MYOM1: variants seen among roughly 807,000 people sequenced by gnomAD.
The protein encoded by MYOM1 is myomesin 1.
MYOM1 carries 164 observed loss-of-function variants against 205.3 expected under a neutral mutation model. That is an observed-to-expected ratio of 0.80 (90% CI 0.70 to 0.91). MYOM1 has a LOEUF of 0.91. MYOM1 is among the 40% of genes least tolerant of loss of function. The pLI is 0.00. For synonymous variants in MYOM1, 772 were observed against 789.4 expected (o/e 0.98, Z 0.37); for missense variants, 2,011 against 2,127.3 (o/e 0.95, Z 1.08).
the MYOM1 span, among the ~76,000 whole-genome samples, chr18:3,232,337 A>T: frequency 6.6e-6 from 1 of 152,138 alleles, no homozygotes; most frequent in Non-Finnish European, 1.5e-5. Context: ...CATGGAAAAA[A>T]AAAAAAGTAG....
chr18:3,178,310 G>A (rs1029104665), intron 5 of MYOM1, among the ~76,000 whole-genome samples: 1 of 152,182 alleles, frequency 6.6e-6, no homozygotes, highest in East Asian at 1.9e-4. Flanking sequence ...TCATTTTCCA[G>A]ATGAAGAAAC....
intron 19 of MYOM1, among the ~76,000 whole-genome samples, chr18:3,124,671 T>TGG (rs374706399): frequency 0.013 from 1,894 of 149,792 alleles, 36 homozygotes; most frequent in African/African-American, 0.044. Flanking sequence ...TATGTCTCTG[T>TGG]GGGGGGGGGT....
At chr18:3,099,573 A>G (rs1008000791) in intron 25 of MYOM1, among the ~76,000 whole-genome samples, 17 of 152,192 alleles carry the variant, frequency 1.1e-4, no homozygotes, top group Admixed American at 9.2e-4. Context: ...TCCAAGGGTC[A>G]TTTCTGACTT....
intron 5 of MYOM1, among the ~76,000 whole-genome samples, chr18:3,182,913 C>CTTTTTTTTTTTT (rs549386891): frequency 3.0e-4 from 28 of 92,296 alleles, no homozygotes; most frequent in Non-Finnish European, 4.4e-4. Context: ...TTTCTTTCTT[C>CTTTTTTTTTTTT]TTTTTTTTTT....
the MYOM1 span, among the ~76,000 whole-genome samples, chr18:3,230,816 C>G: frequency 4.6e-5 from 7 of 152,348 alleles, no homozygotes; most frequent in African/African-American, 1.7e-4. Flanking sequence ...TAAATCTCTG[C>G]TTTTGTTGCA....
At chr18:3,115,722 G>C (rs1195145160) in intron 21 of MYOM1, among the ~76,000 whole-genome samples, 1 of 152,146 alleles carries the variant, frequency 6.6e-6, no homozygotes, top group Non-Finnish European at 1.5e-5. Flanking sequence ...TGAGAGATTT[G>C]GTGGCTATGG....
chr18:3,218,418 A>G (rs2081295199), intron 1 of MYOM1, among the ~76,000 whole-genome samples: 1 of 152,230 alleles, frequency 6.6e-6, no homozygotes, highest in African/African-American at 2.4e-5. Context: ...AAGAAAACTG[A>G]GCAAACTTCA....
chr18:3,148,739 G>A (rs113251595), intron 13 of MYOM1, among the ~76,000 whole-genome samples: 2,281 of 150,718 alleles, frequency 0.015, 63 homozygotes, highest in African/African-American at 0.052. Flanking sequence ...CCAGCTGCTC[G>A]GGAGGCTGAG....
At chr18:3,154,796 G>C in intron 11 of MYOM1, 151 bp downstream of exon 11, 1 of 856,188 alleles carries the variant, frequency 1.2e-6, no homozygotes, top group Non-Finnish European at 1.8e-6. Context: ...GAGACAAATA[G>C]AGAAAAAGAA....
the MYOM1 span, among the ~76,000 whole-genome samples, chr18:3,231,240 A>G: frequency 6.6e-6 from 1 of 152,242 alleles, no homozygotes; most frequent in Admixed American, 6.5e-5. Flanking sequence ...CTGAGTGTCA[A>G]TACACTTAAT....
chr18:3,084,817 T>C (rs1051529407), intron 31 of MYOM1, among the ~76,000 whole-genome samples: 28 of 152,230 alleles, frequency 1.8e-4, no homozygotes, highest in African/African-American at 6.3e-4. Flanking sequence ...TTGTGGACTC[T>C]GGACTATAAA....
At chr18:3,197,731 G>A (rs1012484973) in intron 2 of MYOM1, among the ~76,000 whole-genome samples, 1 of 151,742 alleles carries the variant, frequency 6.6e-6, no homozygotes, top group African/African-American at 2.4e-5. Context: ...AAATTAGCTG[G>A]GCATGGTGGC....
At chr18:3,121,884 C>G (rs1248640545) in intron 19 of MYOM1, among the ~76,000 whole-genome samples, 1 of 152,054 alleles carries the variant, frequency 6.6e-6, no homozygotes, top group Non-Finnish European at 1.5e-5. Flanking sequence ...TTTGGGAGGC[C>G]GAGGCGGGCG....
chr18:3,086,787 GA>G (rs2079160084), intron 29 of MYOM1, among the ~76,000 whole-genome samples: 1 of 152,074 alleles, frequency 6.6e-6, no homozygotes, highest in Non-Finnish European at 1.5e-5. Context: ...TTACAAAGGA[GA>G]ATATACTCAT....
At chr18:3,149,283 C>T (rs2080182679) in intron 12 of MYOM1, 82 bp from the exon 13 acceptor site, 1 of 1,172,170 alleles carries the variant, frequency 8.5e-7, no homozygotes, top group South Asian at 1.4e-5. Context: ...GGAAAGTGGC[C>T]AGATTAGTCA....
chr18:3,130,295 A>C (rs1200570042), intron 17 of MYOM1, among the ~76,000 whole-genome samples: 1 of 152,086 alleles, frequency 6.6e-6, no homozygotes, highest in Admixed American at 6.6e-5. Flanking sequence ...CACCCGCCTT[A>C]GCCTCCCAAA....
rs147968132 is a variant in MYOM1, at chr18:3,108,935, G to A, written c.3418+3363C>T. ...TGGTACAATATCACAGAAAAAGCCT[G>A]ACAGAAAAGTCTACCTATAACATCC... On this transcript the variant is annotated intron_variant, in intron 22 of 37. Transcript: ENST00000356443. 5.1e-3 allele frequency among the ~76,000 whole-genome samples: 778 copies of A among 151,784 alleles called. 5 individuals are homozygous for A. Among genetic ancestry groups the A allele is most frequent in the African/African-American group, 0.018 (744 of 41,384 alleles).
chr18:3,220,205 T>C (rs1026788638), upstream of MYOM1: 4 of 152,188 alleles, frequency 2.6e-5, no homozygotes, highest in Non-Finnish European at 5.9e-5. Flanking sequence ...AATTTAAAAG[T>C]GTAATGGAAA....
In MYOM1 at chr18:3,067,257, T is replaced by C; in HGVS notation, c.*5A>G. Reference sequence around the variant, plus strand: ...CAGGCCGGCTGGCTCTCCTCGCACCTCCGGTCACTTGGCCTTCTTGCCACC... The same window carrying C: ...CAGGCCGGCTGGCTCTCCTCGCACCCCCGGTCACTTGGCCTTCTTGCCACC... On this transcript the variant is annotated 3_prime_UTR_variant, in exon 38 of 38. Coordinates refer to ENST00000356443, the MANE Select transcript of MYOM1 (RefSeq NM_003803.4). 6.3e-7 allele frequency: 1 copy of C among 1,588,134 alleles called. No homozygotes were observed. Among genetic ancestry groups the C allele is most frequent in the African/African-American group, 1.3e-5 (1 of 74,424 alleles).
Sources: allele counts gnomAD v4.1 joint callset (sites outside exome capture counted in the v4.1 genomes callset), GRCh38; gene constraint gnomAD v4.1.1; transcripts MANE v1.5; gene names NCBI Gene and HGNC (gene_info 2026-07-23, HGNC 2026-07-21).